Variants in CLVS2 observed in about 807,000 individuals in gnomAD.
CLVS2 encodes the protein clavesin-2.
A neutral mutation model predicts 29.0 loss-of-function variants in CLVS2; 19 were observed. The observed-to-expected ratio is 0.66, with a 90% CI of 0.46 to 0.96. The LOEUF (loss-of-function observed/expected upper bound fraction) is 0.96. Ranked by LOEUF, CLVS2 falls within the 40% of genes least tolerant of loss-of-function variation. CLVS2 has a pLI of 0.00. For synonymous variants in CLVS2, 161 were observed against 151.3 expected (o/e 1.06, Z -0.47); for missense variants, 294 against 404.1 (o/e 0.73, Z 2.34).
Position 123,064,990 on chromosome 6 carries a change from A to G in CLVS2, c.*1229A>G, listed in dbSNP as rs939344989. 1.4e-4 allele frequency: 21 copies of G among 151,866 alleles called. No homozygotes were observed. The highest frequency in any genetic ancestry group is 1.2e-3 in the Admixed American group (18 of 15,208). 9.4% of individuals were successfully genotyped at this position (151,866 alleles called of 1,614,324 possible). A position where few individuals can be genotyped will look rare whatever the true frequency, so the allele number is the denominator to read the frequency against. ...AGGTAGCATCAGGTGACAGAAAGCCAATTTTATTTTCAAATTTAAGTTAAT... is the reference window on the plus strand; with the variant it reads ...AGGTAGCATCAGGTGACAGAAAGCCGATTTTATTTTCAAATTTAAGTTAAT... On this transcript the variant is annotated 3_prime_UTR_variant, in exon 6 of 6. Coordinates refer to ENST00000275162, the MANE Select transcript of CLVS2 (RefSeq NM_001010852.4).
At chr6:123,005,491 T>C (rs1030864290) in intron 2 of CLVS2, among the ~76,000 whole-genome samples, 10 of 152,118 alleles carry the variant, frequency 6.6e-5, no homozygotes, top group South Asian at 2.1e-4. Context: ...AAATTGCTGG[T>C]GTTATGCTGC....
chr6:123,025,592 C>T (rs901731589), intron 3 of CLVS2, among the ~76,000 whole-genome samples: 11 of 152,076 alleles, frequency 7.2e-5, no homozygotes, highest in African/African-American at 2.7e-4. Flanking sequence ...CTCCCAGGTG[C>T]CAGGAATGTT....
chr6:123,060,780 A>G (rs921734311), intron 5 of CLVS2, among the ~76,000 whole-genome samples: 6 of 152,234 alleles, frequency 3.9e-5, no homozygotes, highest in Non-Finnish European at 8.8e-5. Context: ...CTTAAACAAT[A>G]AAGAACAAAA....
chr6:122,998,027 G>A lies in CLVS2; in HGVS notation c.250G>A (p.Asp84Asn). ...QYFEYRQQNLDMFKSFKATDP... is the reference protein window; with the variant it reads ...QYFEYRQQNLNMFKSFKATDP... The stretch of plus-strand genomic sequence containing the variant: ...CTTTGAGTACCGGCAGCAGAACCTG[G>A]ACATGTTCAAAAGCTTTAAGGCCAC... The change falls in exon 2 of 6, where the codon GAC (aspartate) becomes AAC (asparagine). Residue 84 changes from aspartate (D) to asparagine (N), a missense_variant. Coordinates refer to ENST00000275162, the MANE Select transcript of CLVS2 (RefSeq NM_001010852.4). 1 of 1,614,166 alleles carries A rather than the reference G, an allele frequency of 6.2e-7. No homozygotes were observed. The highest frequency in any genetic ancestry group is 8.5e-7 in the Non-Finnish European group (1 of 1,180,036).
chr6:123,039,663 A>G (rs569533101), intron 3 of CLVS2, among the ~76,000 whole-genome samples: 2 of 152,250 alleles, frequency 1.3e-5, no homozygotes, highest in South Asian at 4.1e-4. Context: ...TGTGGCTATG[A>G]CTTGCTTCCA....
rs778154037 is a variant in CLVS2 at position 123,063,663 on chromosome 6, A to G, written c.897-11A>G. ...GTAATAACTCACTGACGTTGGCTTT[A>G]TCCTTTCCAGATCTCAATCAGTAGT... On this transcript the variant is annotated splice_polypyrimidine_tract_variant and intron_variant, in intron 5 of 5. Transcript: ENST00000275162. The G allele has an allele frequency of 1.3e-6, 2 of 1,574,090 alleles. No homozygotes were observed. Among genetic ancestry groups the G allele is most frequent in the Non-Finnish European group, 1.7e-6 (2 of 1,146,484 alleles).
At chr6:123,040,716 C>T (rs1238540333) in intron 3 of CLVS2, among the ~76,000 whole-genome samples, 2 of 150,204 alleles carry the variant, frequency 1.3e-5, no homozygotes, top group Non-Finnish European at 3.0e-5. Context: ...TGCAGTGAGC[C>T]GAGATCGCGC....
At chr6:123,060,417 C>G (rs4401679) in intron 5 of CLVS2, among the ~76,000 whole-genome samples, 2,308 of 152,228 alleles carry the variant, frequency 0.015, 52 homozygotes, top group African/African-American at 0.052. Context: ...ATACGCACTT[C>G]TGATTATTGA....
At chr6:123,035,485 T>A (rs568366780) in intron 3 of CLVS2, among the ~76,000 whole-genome samples, 73 of 152,270 alleles carry the variant, frequency 4.8e-4, no homozygotes, top group African/African-American at 1.7e-3. Flanking sequence ...AAGTCTCATA[T>A]TTTATCTTCA....
At chr6:123,032,170 G>A (rs901678037) in intron 3 of CLVS2, among the ~76,000 whole-genome samples, 1 of 151,778 alleles carries the variant, frequency 6.6e-6, no homozygotes, top group African/African-American at 2.4e-5. Flanking sequence ...TTTCCCCTTA[G>A]TTTTTGCATT....
rs898378691 is a variant in CLVS2 at position 123,071,721 on chromosome 6, A to G, written c.*7960A>G. The G allele has an allele frequency of 1.3e-5, 2 of 152,036 alleles. No homozygotes were observed. The highest frequency in any genetic ancestry group is 4.1e-4 in the South Asian group (2 of 4,830). The allele number at this position is 152,036 out of a possible 1,614,324, so 9.4% of individuals were successfully genotyped here. A position where few individuals can be genotyped will look rare whatever the true frequency, so the allele number is the denominator to read the frequency against. The stretch of plus-strand genomic sequence containing the variant: ...TCGTATCTTCTCTGCAACAATTATA[A>G]AATGAATGAGGAAGTATTTTGGTGT... On this transcript the variant is annotated 3_prime_UTR_variant, in exon 6 of 6. Coordinates refer to ENST00000275162, the MANE Select transcript of CLVS2 (RefSeq NM_001010852.4).
At chr6:123,031,602 T>C (rs573831323) in intron 3 of CLVS2, among the ~76,000 whole-genome samples, 102 of 152,338 alleles carry the variant, frequency 6.7e-4, no homozygotes, top group African/African-American at 2.1e-3. Flanking sequence ...ACAAAGTCTG[T>C]GTCTACCAAA....
intron 4 of CLVS2, among the ~76,000 whole-genome samples, chr6:123,054,777 T>C (rs901990756): frequency 1.3e-5 from 2 of 151,962 alleles, no homozygotes; most frequent in Non-Finnish European, 2.9e-5. Flanking sequence ...AAGGTAGCAG[T>C]TTATGGAAAA....
chr6:123,065,870 C>T lies in CLVS2; in HGVS notation c.*2109C>T, dbSNP rs993887729. The stretch of plus-strand genomic sequence containing the variant: ...GTCAACCAGCATTGGCAGCTTCTTT[C>T]CCCTATCGTAAAGTTAGTGTCATAT... On this transcript the variant is annotated 3_prime_UTR_variant, in exon 6 of 6. Transcript: ENST00000275162. 1 of 151,652 alleles carries T rather than the reference C, an allele frequency of 6.6e-6. No individual in the cohort carries two copies. The highest frequency in any genetic ancestry group is 1.5e-5 in the Non-Finnish European group (1 of 67,724). 9.4% of individuals were successfully genotyped at this position (151,652 alleles called of 1,614,324 possible). A position where few individuals can be genotyped will look rare whatever the true frequency, so the allele number is the denominator to read the frequency against.
At position 123,048,613 on chromosome 6, in the gene CLVS2, T is replaced by A; in HGVS notation, c.565-9T>A. ...TATTTTGATTGTTTTTTTCTCCATG[T>A]TACTCTAGGATAGTTTCCCAGCGCG... On this transcript the variant is annotated splice_polypyrimidine_tract_variant and intron_variant, in intron 3 of 5. Coordinates refer to ENST00000275162, the MANE Select transcript of CLVS2 (RefSeq NM_001010852.4). The A allele has an allele frequency of 6.3e-7, 1 of 1,587,662 alleles. No homozygotes were observed. Among genetic ancestry groups the A allele is most frequent in the Non-Finnish European group, 8.6e-7 (1 of 1,156,440 alleles).
At chr6:123,033,346 T>TA (rs1775108858) in intron 3 of CLVS2, among the ~76,000 whole-genome samples, 1 of 152,080 alleles carries the variant, frequency 6.6e-6, no homozygotes, top group African/African-American at 2.4e-5. Flanking sequence ...AATATTAGAA[T>TA]GTGGAACTAA....
intron 4 of CLVS2, among the ~76,000 whole-genome samples, chr6:123,052,477 T>C (rs1350620694): frequency 6.6e-6 from 1 of 152,204 alleles, no homozygotes; most frequent in Non-Finnish European, 1.5e-5. Context: ...GACTTATATT[T>C]TGACATGGTC....
intron 3 of CLVS2, among the ~76,000 whole-genome samples, chr6:123,042,908 T>C (rs1319196341): frequency 2.0e-5 from 3 of 152,190 alleles, no homozygotes; most frequent in Admixed American, 6.5e-5. Context: ...AATGCTGTTA[T>C]ACTATCTAGA....
rs151329976 is a variant in CLVS2, at chr6:123,054,139, TGAA to T, written c.676-1661_676-1659del. 5.5e-3 allele frequency among the ~76,000 whole-genome samples: 832 copies of T among 152,286 alleles called. 8 individuals are homozygous for T. The highest frequency in any genetic ancestry group is 0.012 in the East Asian group (64 of 5,172). ...TTATTACCATGACTCTTGCATGAGTTGAAGAAGATTTCTTATGTGAATGATCCC... is the reference window on the plus strand; with the variant it reads ...TTATTACCATGACTCTTGCATGAGTTGAAGATTTCTTATGTGAATGATCCC... On this transcript the variant is annotated intron_variant, in intron 4 of 5. Transcript: ENST00000275162.
Sources: allele counts gnomAD v4.1 joint callset (sites outside exome capture counted in the v4.1 genomes callset), GRCh38; gene constraint gnomAD v4.1.1; transcripts MANE v1.5; gene names NCBI Gene and HGNC (gene_info 2026-07-23, HGNC 2026-07-21).